Variants in CA12 observed in about 807,000 individuals in gnomAD.
CA12 encodes carbonate dehydratase XII.
A neutral mutation model predicts 46.8 loss-of-function variants in CA12; 36 were observed. The ratio of observed to expected loss-of-function variants is 0.77; its 90% confidence interval spans 0.59 to 1.02. The LOEUF is 1.02. Ranked by LOEUF, CA12 falls within the 50% of genes least tolerant of loss-of-function variation. The pLI is 0.00. For synonymous variants in CA12, 202 were observed against 187.0 expected, an observed-to-expected ratio of 1.08 and a Z score of -0.65; for missense variants, 436 against 451.4, an observed-to-expected ratio of 0.97 and a Z score of 0.31.
At chr15:63,332,895 G>T (rs1016532852) in intron 8 of CA12, among the ~76,000 whole-genome samples, 1 of 152,154 alleles carries the variant, frequency 6.6e-6, no homozygotes, top group Non-Finnish European at 1.5e-5. Flanking sequence ...TGAGTAACAC[G>T]TCAGTCATCC....
At chr15:63,377,213 T>A (rs974749264) in intron 1 of CA12, among the ~76,000 whole-genome samples, 3 of 152,186 alleles carry the variant, frequency 2.0e-5, no homozygotes, top group African/African-American at 7.2e-5. Context: ...TCCCACTGTG[T>A]GTCTCAGGTG....
intron 8 of CA12, among the ~76,000 whole-genome samples, chr15:63,332,279 A>G (rs755334354): frequency 6.6e-6 from 1 of 152,214 alleles, no homozygotes; most frequent in Non-Finnish European, 1.5e-5. Flanking sequence ...GACATATTTA[A>G]CTGCGGAGTT....
chr15:63,333,890 T>C (rs561365687), intron 8 of CA12, among the ~76,000 whole-genome samples: 1 of 152,356 alleles, frequency 6.6e-6, no homozygotes, highest in Admixed American at 6.5e-5. Context: ...ACTTCTTGGC[T>C]TCCTTTTGTC....
chr15:63,335,849 C>A (rs12904952), intron 8 of CA12, among the ~76,000 whole-genome samples: 50 of 152,128 alleles, frequency 3.3e-4, no homozygotes, highest in Admixed American at 4.6e-4. Context: ...AGGCCTGCTC[C>A]GAGCTGGGTA....
At chr15:63,370,295 A>C (rs2039486104) in intron 2 of CA12, among the ~76,000 whole-genome samples, 1 of 150,706 alleles carries the variant, frequency 6.6e-6, no homozygotes, top group South Asian at 2.1e-4. Context: ...GTCTACTAAA[A>C]AATTTAAAAA....
At chr15:63,333,828 T>C (rs1287010363) in intron 8 of CA12, among the ~76,000 whole-genome samples, 4 of 152,186 alleles carry the variant, frequency 2.6e-5, no homozygotes, top group African/African-American at 9.7e-5. Context: ...GCTGCTCTGG[T>C]GGGTGACATG....
Position 63,346,736 on chromosome 15 carries a change from T to C in CA12, c.107-27A>G, listed in dbSNP as rs755573087. On this transcript the variant is annotated intron_variant, in intron 2 of 10. Coordinates refer to ENST00000178638, the MANE Select transcript of CA12 (RefSeq NM_001218.5). ...TGGACACAGAGATCCATGCTCAAGA[T>C]TTAGAGTTTCTCACAAAGGGATTTT... 3 of 1,611,876 alleles carry C rather than the reference T, an allele frequency of 1.9e-6. No individual in the cohort carries two copies. In the South Asian group the frequency reaches 3.3e-5, roughly 18 times the overall value.
At position 63,325,776 on chromosome 15, in the gene CA12, A is replaced by C. The variant is rs2038857649; in HGVS notation, c.*509T>G. The C allele has an allele frequency of 4.8e-6, 1 of 208,130 alleles. No homozygotes were observed. Among genetic ancestry groups the C allele is most frequent in the African/African-American group, 2.3e-5 (1 of 43,760 alleles). The allele number at this position is 208,130 out of a possible 1,614,324, so 12.9% of individuals were successfully genotyped here. Reference sequence around the variant, plus strand: ...CATTTGTCCCCGAGTTGTAAGGTGCAGATTAAAGGTTTTGTCATAGCAGAA... The same window carrying C: ...CATTTGTCCCCGAGTTGTAAGGTGCCGATTAAAGGTTTTGTCATAGCAGAA... On this transcript the variant is annotated 3_prime_UTR_variant, in exon 11 of 11. Transcript: ENST00000178638. This position sits in a 1 kb window ranked among gnomAD's most constrained non-coding sequence, Gnocchi z 4.9.
chr15:63,375,947 T>C (rs1021325389), intron 1 of CA12, among the ~76,000 whole-genome samples: 2 of 152,060 alleles, frequency 1.3e-5, no homozygotes, highest in African/African-American at 4.8e-5. Flanking sequence ...GTAGCTGGGA[T>C]TACAGGCACG....
chr15:63,334,115 C>T (rs185534035), intron 8 of CA12, among the ~76,000 whole-genome samples: 1 of 152,226 alleles, frequency 6.6e-6, no homozygotes, highest in African/African-American at 2.4e-5. Context: ...TCCCCTTTCC[C>T]ACTAAGAGCA....
intron 2 of CA12, among the ~76,000 whole-genome samples, chr15:63,368,497 C>A (rs1428080279): frequency 1.3e-5 from 2 of 152,224 alleles, no homozygotes; most frequent in East Asian, 3.8e-4. Flanking sequence ...TCCCTCCTGC[C>A]CGCAGCCACC....
chr15:63,359,881 T>C (rs2039339917), intron 2 of CA12, among the ~76,000 whole-genome samples: 1 of 152,148 alleles, frequency 6.6e-6, no homozygotes, highest in Admixed American at 6.6e-5. Context: ...CTCTCCACTC[T>C]CCACAACAGT....
intron 2 of CA12, among the ~76,000 whole-genome samples, chr15:63,361,100 T>C (rs1352236707): frequency 6.6e-6 from 1 of 152,222 alleles, no homozygotes; most frequent in Non-Finnish European, 1.5e-5. Context: ...TTCCACACTC[T>C]GGGGCAGGCC....
rs1055447556 is a variant in CA12 at position 63,323,913 on chromosome 15, C to T, written c.*2372G>A. On this transcript the variant is annotated 3_prime_UTR_variant, in exon 11 of 11. Coordinates refer to ENST00000178638, the MANE Select transcript of CA12 (RefSeq NM_001218.5). This position sits in a 1 kb window ranked among gnomAD's most constrained non-coding sequence, Gnocchi z 5.1. Reference sequence around the variant, plus strand: ...AGAATCCAGGGCCTTCCCCTCTGGCCCTGGCCCCAGCCTGGGCCTTGTTTT... The same window carrying T: ...AGAATCCAGGGCCTTCCCCTCTGGCTCTGGCCCCAGCCTGGGCCTTGTTTT... 2.6e-5 allele frequency: 4 copies of T among 152,204 alleles called. No homozygotes were observed. Among genetic ancestry groups the T allele is most frequent in the African/African-American group, 9.7e-5 (4 of 41,442 alleles). The allele number at this position is 152,204 out of a possible 1,614,324, so 9.4% of individuals were successfully genotyped here.
intron 2 of CA12, among the ~76,000 whole-genome samples, chr15:63,354,764 G>A (rs534710629): frequency 1.6e-4 from 25 of 152,252 alleles, no homozygotes; most frequent in East Asian, 1.2e-3. Context: ...CAGCCATGGT[G>A]GTGGGGGCCA....
At chr15:63,333,750 C>A (rs189117798) in intron 8 of CA12, among the ~76,000 whole-genome samples, 1 of 152,174 alleles carries the variant, frequency 6.6e-6, no homozygotes, top group South Asian at 2.1e-4. Context: ...TTAAGCAGAT[C>A]CTAATTGCAG....
At chr15:63,364,085 G>C (rs2039402179) in intron 2 of CA12, among the ~76,000 whole-genome samples, 1 of 152,058 alleles carries the variant, frequency 6.6e-6, no homozygotes, top group African/African-American at 2.4e-5. Flanking sequence ...TACTCAGGAG[G>C]CTAAGGTAGG....
At position 63,322,905 on chromosome 15, in the gene CA12, C is replaced by G. The variant is rs1337248243; in HGVS notation, c.*3380G>C. 3 of 152,264 alleles carry G rather than the reference C, an allele frequency of 2.0e-5. No individual in the cohort carries two copies. The highest frequency in any genetic ancestry group is 4.4e-5 in the Non-Finnish European group (3 of 68,058). 9.4% of individuals were successfully genotyped at this position (152,264 alleles called of 1,614,324 possible). On this transcript the variant is annotated 3_prime_UTR_variant, in exon 11 of 11. Coordinates refer to ENST00000178638, the MANE Select transcript of CA12 (RefSeq NM_001218.5). The surrounding 1 kb of genome is among the most constrained non-coding windows in gnomAD (Gnocchi z 4.1). ...AAGTACCCTTGAACAGTTCACCTCT[C>G]TCAGGCTTAGGGTGATTATAGTGAA...
rs75530524 is a variant in CA12 at position 63,381,381 on chromosome 15, A to T, written c.85+255T>A. Among the ~76,000 whole-genome samples, 10,644 of 152,286 alleles carry T rather than the reference A, an allele frequency of 0.07. 496 individuals carry two copies. The highest frequency in any genetic ancestry group is 0.18 in the Middle Eastern group (54 of 294). ...TAGCAAGTTCCCAAGCCACATCTTC[A>T]GAGCTGGCGGTGCCCGGGAGTACAC... is the stretch of plus-strand genomic sequence containing the variant. On this transcript the variant is annotated intron_variant, in intron 1 of 10. Transcript: ENST00000178638.
Sources: gnomAD v4.1 joint callset for allele counts (sites outside exome capture counted in the v4.1 genomes callset) on GRCh38, gnomAD v4.1.1 for gene constraint, Gnocchi (gnomAD v3.1) non-coding constraint, MANE v1.5 for transcripts, NCBI Gene and HGNC (gene_info 2026-07-23, HGNC 2026-07-21) for gene names.